The following DENND1A variants were observed in gnomAD, a reference collection of about 807,000 sequenced individuals.
DENND1A encodes the protein DENN domain-containing protein 1A.
Under a neutral mutation model 113.7 loss-of-function variants are expected in DENND1A, and 51 were observed. The observed-to-expected ratio is 0.45, with a 90% confidence interval of 0.36 to 0.57. DENND1A has a LOEUF of 0.57. Among genes scored for constraint, DENND1A ranks in the 20% least tolerant of loss-of-function variants. The pLI is 0.00. For missense variants in DENND1A, 1,258 were observed against 1,395.9 expected (o/e 0.90, Z 1.57); for synonymous variants, 565 against 570.8 (o/e 0.99, Z 0.14).
At chr9:123,866,283 G>A (rs561113561) in intron 2 of DENND1A, among the ~76,000 whole-genome samples, 2 of 152,284 alleles carry the variant, frequency 1.3e-5, no homozygotes, top group Middle Eastern at 3.4e-3. Context: ...CAAGTAGACA[G>A]TTTAAATAAA....
intron 9 of DENND1A, among the ~76,000 whole-genome samples, chr9:123,636,271 G>T (rs1205601775): frequency 6.6e-6 from 1 of 151,848 alleles, no homozygotes; most frequent in Admixed American, 6.6e-5. Flanking sequence ...CCAGGAACAC[G>T]ACGGCTATGG....
At chr9:123,903,495 G>C (rs998948366) in intron 1 of DENND1A, among the ~76,000 whole-genome samples, 3 of 152,066 alleles carry the variant, frequency 2.0e-5, no homozygotes, top group Non-Finnish European at 4.4e-5. Context: ...CAGACAGTGG[G>C]CGCAGGTCAG....
intron 22 of DENND1A, among the ~76,000 whole-genome samples, chr9:123,384,710 G>A (rs1189880890): frequency 6.6e-6 from 1 of 152,214 alleles, no homozygotes; most frequent in Non-Finnish European, 1.5e-5. Context: ...CACTTTGGGA[G>A]GCCGAGGCGG....
intron 10 of DENND1A, among the ~76,000 whole-genome samples, chr9:123,624,567 C>A (rs2061113227): frequency 6.6e-6 from 1 of 152,186 alleles, no homozygotes; most frequent in African/African-American, 2.4e-5. Context: ...AAACAAGAGA[C>A]CAGGAGAAAG....
chr9:123,749,993 G>C (rs1004179851), intron 5 of DENND1A, among the ~76,000 whole-genome samples: 1 of 152,214 alleles, frequency 6.6e-6, no homozygotes, highest in Non-Finnish European at 1.5e-5. Context: ...GGTTGCTTGA[G>C]GGAAGGCTGT....
At chr9:123,682,804 C>T (rs935488872) in intron 5 of DENND1A, among the ~76,000 whole-genome samples, 3 of 152,190 alleles carry the variant, frequency 2.0e-5, no homozygotes, top group South Asian at 2.1e-4. Context: ...ATCCAGAACA[C>T]GCTTCCTGTC....
intron 3 of DENND1A, among the ~76,000 whole-genome samples, chr9:123,777,570 C>T (rs149355708): frequency 6.6e-6 from 1 of 152,306 alleles, no homozygotes; most frequent in Non-Finnish European, 1.5e-5. Flanking sequence ...TTGGTTTATA[C>T]AAATTATTCT....
chr9:123,525,863 A>T (rs1254671562), intron 13 of DENND1A, among the ~76,000 whole-genome samples: 1 of 148,006 alleles, frequency 6.8e-6, no homozygotes, highest in African/African-American at 2.5e-5. Flanking sequence ...GGCTCCAGTG[A>T]TTCTCCCACC....
intron 3 of DENND1A, among the ~76,000 whole-genome samples, chr9:123,786,794 T>C (rs983610408): frequency 6.6e-6 from 1 of 152,210 alleles, no homozygotes; most frequent in East Asian, 1.9e-4. Context: ...AATTTACAAA[T>C]TCTGTTCCAT....
intron 13 of DENND1A, among the ~76,000 whole-genome samples, chr9:123,506,537 G>A (rs963252142): frequency 3.9e-5 from 5 of 129,682 alleles, no homozygotes; most frequent in Admixed American, 9.5e-5. Flanking sequence ...AGCCGAGATC[G>A]TGCCATTGCA....
At chr9:123,609,622 A>C in intron 10 of DENND1A, 141 bp from the exon 11 acceptor site, 1 of 983,496 alleles carries the variant, frequency 1.0e-6, no homozygotes, top group African/African-American at 1.7e-5. Flanking sequence ...AAAAATCCTA[A>C]TATGACATTT....
chr9:123,693,713 G>A (rs988687614), intron 5 of DENND1A, among the ~76,000 whole-genome samples: 2 of 151,840 alleles, frequency 1.3e-5, no homozygotes, highest in Non-Finnish European at 2.9e-5. Flanking sequence ...GGTGCTAGCT[G>A]CCACTCCACC....
chr9:123,639,777 C>CAAAAA (rs199515973), intron 9 of DENND1A, among the ~76,000 whole-genome samples: 7 of 115,656 alleles, frequency 6.1e-5, no homozygotes, highest in East Asian at 7.3e-4. Flanking sequence ...AACTCCATCT[C>CAAAAA]AAAAAAAAAA....
intron 13 of DENND1A, among the ~76,000 whole-genome samples, chr9:123,475,827 C>T (rs181985867): frequency 3.2e-4 from 49 of 152,326 alleles, no homozygotes; most frequent in Admixed American, 7.8e-4. Flanking sequence ...CCTCCATATA[C>T]GTATGTAGGT....
intron 10 of DENND1A, among the ~76,000 whole-genome samples, chr9:123,616,944 G>A (rs540129566): frequency 3.6e-4 from 55 of 152,368 alleles, no homozygotes; most frequent in African/African-American, 1.2e-3. Context: ...CCGCTACAAG[G>A]AGACGCACAG....
At chr9:123,516,766 C>T (rs1039978135) in intron 13 of DENND1A, among the ~76,000 whole-genome samples, 1 of 151,564 alleles carries the variant, frequency 6.6e-6, no homozygotes, top group African/African-American at 2.4e-5. Context: ...TGCCTGTAAT[C>T]CTAGCTACTT....
intron 19 of DENND1A, among the ~76,000 whole-genome samples, chr9:123,424,117 G>A (rs2045530607): frequency 6.6e-6 from 1 of 152,156 alleles, no homozygotes; most frequent in African/African-American, 2.4e-5. Context: ...CAGCCCTGGG[G>A]AAAATGCAGG....
At chr9:123,471,131 C>T (rs757067698) in intron 13 of DENND1A, among the ~76,000 whole-genome samples, 12 of 152,268 alleles carry the variant, frequency 7.9e-5, no homozygotes, top group East Asian at 3.9e-4. Flanking sequence ...CTTTTCTTTA[C>T]GAGGTCTGCC....
intron 13 of DENND1A, among the ~76,000 whole-genome samples, chr9:123,539,525 T>C (rs763284305): frequency 6.6e-6 from 1 of 152,102 alleles, no homozygotes; most frequent in Non-Finnish European, 1.5e-5. Flanking sequence ...GAAATCAAGA[T>C]AGTGGTTACT....
Sources: gnomAD v4.1 joint callset for allele counts (sites outside exome capture counted in the v4.1 genomes callset) on GRCh38, gnomAD v4.1.1 for gene constraint, MANE v1.5 for transcripts, NCBI Gene and HGNC (gene_info 2026-07-23, HGNC 2026-07-21) for gene names.